Variants in CNTNAP2 observed in about 807,000 individuals in gnomAD.
CNTNAP2 encodes contactin-associated protein-like 2.
In CNTNAP2, 98 loss-of-function variants were observed where a neutral mutation model predicts 155.2. That is an observed-to-expected ratio of 0.63 (90% confidence interval 0.54 to 0.75). CNTNAP2 has a LOEUF of 0.75. Ranked by LOEUF, CNTNAP2 falls within the 30% of genes least tolerant of loss-of-function variation. The probability of loss-of-function intolerance (pLI) is 0.00; values close to 1 mark genes in which losing one functional copy is unlikely to be tolerated. For missense variants in CNTNAP2, 1,727 were observed against 1,688.1 expected, an observed-to-expected ratio of 1.02 and a Z score of -0.40; for synonymous variants, 651 against 631.2, an observed-to-expected ratio of 1.03 and a Z score of -0.47.
chr7:148,063,274 A>G (rs1803191157), intron 15 of CNTNAP2, among the ~76,000 whole-genome samples: 1 of 151,978 alleles, frequency 6.6e-6, no homozygotes, highest in African/African-American at 2.4e-5. Context: ...GCTTTTAAGA[A>G]TGGCCTTATG....
intron 13 of CNTNAP2, among the ~76,000 whole-genome samples, chr7:147,720,245 G>A (rs1796544580): frequency 6.6e-6 from 1 of 152,108 alleles, no homozygotes; most frequent in Admixed American, 6.6e-5. Context: ...TATACAAACT[G>A]TATAAGCATG....
chr7:148,087,974 T>C (rs1803766081), intron 15 of CNTNAP2, among the ~76,000 whole-genome samples: 1 of 152,140 alleles, frequency 6.6e-6, no homozygotes. Flanking sequence ...AAAACTTTTA[T>C]TTTGGAATTG....
At chr7:147,834,892 A>G (rs145630815) in intron 13 of CNTNAP2, among the ~76,000 whole-genome samples, 8 of 152,314 alleles carry the variant, frequency 5.3e-5, no homozygotes, top group Non-Finnish European at 1.2e-4. Flanking sequence ...AGTGGGGTTT[A>G]TCTTAAACTG....
chr7:146,931,630 A>T (rs1266724322), intron 3 of CNTNAP2, among the ~76,000 whole-genome samples: 1 of 151,258 alleles, frequency 6.6e-6, no homozygotes, highest in Non-Finnish European at 1.5e-5. Context: ...ACCCTTCAAA[A>T]AATTAATGAA....
At chr7:148,367,460 A>G (rs1218248988) in intron 21 of CNTNAP2, among the ~76,000 whole-genome samples, 3 of 152,186 alleles carry the variant, frequency 2.0e-5, no homozygotes, top group African/African-American at 7.2e-5. Context: ...CAGTCCTAAA[A>G]TATTACTTTT....
intron 1 of CNTNAP2, among the ~76,000 whole-genome samples, chr7:146,231,015 A>AAAATAAATAAATAAATAAAT (rs71527791): frequency 0.12 from 9,877 of 80,556 alleles, 502 homozygotes; most frequent in African/African-American, 0.18. Context: ...ACTTTGTCTC[A>AAAATAAATAAATAAATAAAT]AAATAAATAA....
chr7:147,741,185 G>T (rs1796950218), intron 13 of CNTNAP2, among the ~76,000 whole-genome samples: 1 of 152,188 alleles, frequency 6.6e-6, no homozygotes, highest in Admixed American at 6.5e-5. Flanking sequence ...TACAGCACTG[G>T]CCGCAGCACT....
rs1163735357 is a variant in CNTNAP2 at position 148,419,275 on chromosome 7, T to C, written c.*3659T>C. On this transcript the variant is annotated 3_prime_UTR_variant, in exon 24 of 24. Coordinates refer to ENST00000361727, the MANE Select transcript of CNTNAP2 (RefSeq NM_014141.6). ...CAAAAAAAGGGCAGCAATTATTAAA[T>C]TGAATTCAAGTAAGCCAGCCAAAGA... 1 of 152,138 alleles carries C rather than the reference T, an allele frequency of 6.6e-6. No individual in the cohort carries two copies. Among genetic ancestry groups the C allele is most frequent in the Non-Finnish European group, 1.5e-5 (1 of 68,032 alleles). 9.4% of individuals were successfully genotyped at this position (152,138 alleles called of 1,614,324 possible). A position where few individuals can be genotyped will look rare whatever the true frequency, so the allele number is the denominator to read the frequency against.
chr7:146,947,884 T>A (rs1797223434), intron 3 of CNTNAP2, among the ~76,000 whole-genome samples: 1 of 151,978 alleles, frequency 6.6e-6, no homozygotes, highest in South Asian at 2.1e-4. Flanking sequence ...GCAGCATGAA[T>A]GACAAAGGCA....
intron 13 of CNTNAP2, among the ~76,000 whole-genome samples, chr7:147,641,909 G>A (rs1795284026): frequency 6.6e-6 from 1 of 152,034 alleles, no homozygotes; most frequent in Non-Finnish European, 1.5e-5. Context: ...GAATACAATG[G>A]GGTTCCAAGT....
chr7:146,710,804 T>C (rs1462730230), intron 1 of CNTNAP2, among the ~76,000 whole-genome samples: 1 of 152,104 alleles, frequency 6.6e-6, no homozygotes, highest in Non-Finnish European at 1.5e-5. Flanking sequence ...TGAAAACTTT[T>C]AAAATTATGT....
intron 14 of CNTNAP2, among the ~76,000 whole-genome samples, chr7:147,914,465 A>C (rs1800122918): frequency 6.6e-6 from 1 of 151,436 alleles, no homozygotes. Context: ...ACTTGAACCC[A>C]GGAGGCAGAG....
chr7:148,262,453 G>A (rs890157988), intron 20 of CNTNAP2, among the ~76,000 whole-genome samples: 3 of 152,174 alleles, frequency 2.0e-5, no homozygotes, highest in East Asian at 1.9e-4. Flanking sequence ...CAAAGTCAGC[G>A]CAAACGGCTG....
chr7:148,226,951 T>C (rs1231160968), intron 19 of CNTNAP2, among the ~76,000 whole-genome samples: 1 of 152,228 alleles, frequency 6.6e-6, no homozygotes, highest in Non-Finnish European at 1.5e-5. Flanking sequence ...TTAAACCTAC[T>C]TCTGCCCCTC....
chr7:148,272,204 G>A (rs1240997743), intron 21 of CNTNAP2, among the ~76,000 whole-genome samples: 1 of 152,168 alleles, frequency 6.6e-6, no homozygotes, highest in Non-Finnish European at 1.5e-5. Flanking sequence ...ACATAATTCT[G>A]AATGCTTCTA....
chr7:147,134,073 C>A (rs1315532659), intron 8 of CNTNAP2, among the ~76,000 whole-genome samples: 2 of 151,944 alleles, frequency 1.3e-5, no homozygotes, highest in Non-Finnish European at 2.9e-5. Flanking sequence ...ATGATTATTG[C>A]CTAATGACTA....
intron 23 of CNTNAP2, among the ~76,000 whole-genome samples, chr7:148,412,927 C>T (rs1181387516): frequency 1.3e-5 from 2 of 152,142 alleles, no homozygotes; most frequent in Admixed American, 1.3e-4. Flanking sequence ...AATGCTTTTT[C>T]CACATCTATT....
intron 21 of CNTNAP2, among the ~76,000 whole-genome samples, chr7:148,316,115 C>A (rs1478919391): frequency 1.3e-5 from 2 of 151,984 alleles, no homozygotes; most frequent in Non-Finnish European, 2.9e-5. Flanking sequence ...GGAACCCAGT[C>A]CTGAACACCC....
chr7:147,545,823 T>C (rs1331696442), intron 11 of CNTNAP2, among the ~76,000 whole-genome samples: 2 of 152,178 alleles, frequency 1.3e-5, no homozygotes, highest in Admixed American at 6.6e-5. Context: ...CTCCCATAAT[T>C]CCCACGTGTT....
Sources: allele counts gnomAD v4.1 joint callset (sites outside exome capture counted in the v4.1 genomes callset), GRCh38; gene constraint gnomAD v4.1.1; transcripts MANE v1.5; gene names NCBI Gene and HGNC (gene_info 2026-07-23, HGNC 2026-07-21).